RABGEF1: variants seen among roughly 807,000 people sequenced by gnomAD.
RABGEF1 encodes rab5 GDP/GTP exchange factor.
RABGEF1 carries 26 observed loss-of-function variants against 57.3 expected under a neutral mutation model. That is an observed-to-expected ratio of 0.45 (90% CI 0.33 to 0.63). RABGEF1 has a LOEUF of 0.63. Among genes scored for constraint, RABGEF1 ranks in the 20% least tolerant of loss-of-function variants. The pLI, the probability that RABGEF1 is intolerant of heterozygous loss-of-function variation, is 0.02. For missense variants in RABGEF1, 464 were observed against 607.6 expected (o/e 0.76, Z 2.48); for synonymous variants, 185 against 210.7 (o/e 0.88, Z 1.06).
intron 2 of RABGEF1, among the ~76,000 whole-genome samples, chr7:66,718,519 C>T (rs1176918518): frequency 1.3e-5 from 2 of 151,830 alleles, no homozygotes; most frequent in Non-Finnish European, 2.9e-5. Flanking sequence ...TTGGATGTCT[C>T]AAACATAGTG....
At chr7:66,761,159 T>C (rs1287074428) in intron 1 of RABGEF1, among the ~76,000 whole-genome samples, 10 of 152,152 alleles carry the variant, frequency 6.6e-5, no homozygotes, top group African/African-American at 2.4e-4. Context: ...CATGACCATA[T>C]GTGTTGGGTT....
At chr7:66,664,667 CT>C in the RABGEF1 span, among the ~76,000 whole-genome samples, 4 of 152,188 alleles carry the variant, frequency 2.6e-5, no homozygotes, top group Non-Finnish European at 5.9e-5. Flanking sequence ...CCGCCTCCCC[CT>C]GAGCCAGGGC....
At chr7:66,790,059 T>A (rs1812258039) in intron 4 of RABGEF1, among the ~76,000 whole-genome samples, 1 of 152,226 alleles carries the variant, frequency 6.6e-6, no homozygotes, top group Non-Finnish European at 1.5e-5. Context: ...CATTGGCAGA[T>A]ACTGAGGACT....
At chr7:66,661,486 G>A in the RABGEF1 span, among the ~76,000 whole-genome samples, 1 of 151,744 alleles carries the variant, frequency 6.6e-6, no homozygotes, top group African/African-American at 2.4e-5. Context: ...AACCAGCTGG[G>A]CATGGTGGCT....
At chr7:66,684,774 G>A (rs1221918320) in intron 1 of RABGEF1, among the ~76,000 whole-genome samples, 56 of 152,090 alleles carry the variant, frequency 3.7e-4, no homozygotes, top group Non-Finnish European at 6.2e-4. Flanking sequence ...AGCTGGGACT[G>A]CAGGCACCCG....
intron 4 of RABGEF1, among the ~76,000 whole-genome samples, chr7:66,791,700 A>G (rs1812700040): frequency 6.6e-6 from 1 of 152,246 alleles, no homozygotes; most frequent in Non-Finnish European, 1.5e-5. Flanking sequence ...CCAGACTGTT[A>G]AGAAAGTGTA....
chr7:66,698,400 G>A (rs1792687444), intron 1 of RABGEF1, among the ~76,000 whole-genome samples: 1 of 152,150 alleles, frequency 6.6e-6, no homozygotes, highest in Non-Finnish European at 1.5e-5. Context: ...GGCAGCCCAC[G>A]AAAGAGAGTC....
At chr7:66,659,040 A>T in the RABGEF1 span, among the ~76,000 whole-genome samples, 1 of 152,102 alleles carries the variant, frequency 6.6e-6, no homozygotes, top group South Asian at 2.1e-4. Flanking sequence ...CCCGGCCGAG[A>T]AGGAAACACT....
chr7:66,757,812 C>A (rs1452307032), intron 1 of RABGEF1, among the ~76,000 whole-genome samples: 1 of 152,076 alleles, frequency 6.6e-6, no homozygotes, highest in Non-Finnish European at 1.5e-5. Context: ...GGGGTTTCAC[C>A]GTGTTAGCCA....
chr7:66,695,664 C>T (rs572139430), intron 1 of RABGEF1, among the ~76,000 whole-genome samples: 4 of 152,124 alleles, frequency 2.6e-5, no homozygotes, highest in African/African-American at 9.6e-5. Flanking sequence ...GCCTATAATC[C>T]CAGCACTTTG....
At chr7:66,724,675 T>C (rs916714184) in intron 2 of RABGEF1, among the ~76,000 whole-genome samples, 6 of 152,214 alleles carry the variant, frequency 3.9e-5, no homozygotes, top group African/African-American at 1.4e-4. Flanking sequence ...ATATTTATTC[T>C]TCTTGGAGCT....
intron 1 of RABGEF1, among the ~76,000 whole-genome samples, chr7:66,743,517 T>A (rs1799489812): frequency 6.6e-6 from 1 of 151,706 alleles, no homozygotes; most frequent in Non-Finnish European, 1.5e-5. Context: ...TTTTTCTTTT[T>A]TTGATACGGA....
chr7:66,696,753 C>G (rs1792408250), intron 1 of RABGEF1, among the ~76,000 whole-genome samples: 1 of 149,964 alleles, frequency 6.7e-6, no homozygotes, highest in African/African-American at 2.5e-5. Context: ...CTGGGAAACA[C>G]TGGCAGGCAT....
rs550035212 is a variant in RABGEF1 at position 66,803,900 on chromosome 7, AAAAG to A, written c.821-1228_821-1225del. Among the ~76,000 whole-genome samples, 744 of 151,834 alleles carry A rather than the reference AAAAG, an allele frequency of 4.9e-3. 2 individuals are homozygous for A. Among genetic ancestry groups the A allele is most frequent in the African/African-American group, 0.016 (659 of 41,412 alleles). On this transcript the variant is annotated intron_variant, in intron 7 of 8. Transcript: ENST00000284957. ...TGAGATGCTGTCTCAAAAAAAAAAA[AAAAG>A]AAAGAAAGAAATTTTTCCCTGGGAG... is the stretch of plus-strand genomic sequence containing the variant.
At chr7:66,799,260 G>A (rs1786738049) in intron 6 of RABGEF1, 63 bp from the exon 7 acceptor site, 2 of 1,366,646 alleles carry the variant, frequency 1.5e-6, no homozygotes, top group Admixed American at 3.6e-5. Flanking sequence ...ACTGAAGGAG[G>A]TGACAAGACA....
At chr7:66,688,923 T>C (rs1011614755) in intron 1 of RABGEF1, among the ~76,000 whole-genome samples, 13 of 152,200 alleles carry the variant, frequency 8.5e-5, no homozygotes, top group Admixed American at 8.5e-4. Context: ...CAAAAGCCCA[T>C]TGCTACTAAA....
At chr7:66,686,168 C>G (rs1790595188) in intron 1 of RABGEF1, among the ~76,000 whole-genome samples, 1 of 151,850 alleles carries the variant, frequency 6.6e-6, no homozygotes, top group African/African-American at 2.4e-5. Context: ...GTGATCTCAG[C>G]TACTCGGGAG....
At chr7:66,671,472 G>T in the RABGEF1 span, among the ~76,000 whole-genome samples, 1 of 152,174 alleles carries the variant, frequency 6.6e-6, no homozygotes, top group South Asian at 2.1e-4. Flanking sequence ...GCTCAGCCTT[G>T]CCATGGGAAG....
chr7:66,737,065 A>T (rs1330087523), upstream of RABGEF1, among the ~76,000 whole-genome samples: 1 of 125,464 alleles, frequency 8.0e-6, no homozygotes, highest in Non-Finnish European at 1.7e-5. Context: ...AGAGAGAGAG[A>T]GAGAGAGTGA....
Sources: gnomAD v4.1 joint callset for allele counts (sites outside exome capture counted in the v4.1 genomes callset) on GRCh38, gnomAD v4.1.1 for gene constraint, MANE v1.5 for transcripts, NCBI Gene and HGNC (gene_info 2026-07-23, HGNC 2026-07-21) for gene names.